Variants in SPRY3 observed in about 807,000 individuals in gnomAD.
SPRY3 encodes sprouty RTK signaling antagonist 3.
SPRY3 carries 15 observed loss-of-function variants against 20.2 expected under a neutral mutation model. The observed-to-expected ratio is 0.74, with a 90% confidence interval of 0.50 to 1.14. The LOEUF (loss-of-function observed/expected upper bound fraction) is 1.14, where lower values mean the gene tolerates loss of function less well. SPRY3 is among the 50% of genes most tolerant of loss of function. SPRY3 has a pLI of 0.00. For synonymous variants in SPRY3, 143 were observed against 136.5 expected, an observed-to-expected ratio of 1.05 and a Z score of -0.33; for missense variants, 364 against 363.9, an observed-to-expected ratio of 1.00 and a Z score of 0.00.
intron 2 of SPRY3, among the ~76,000 whole-genome samples, chrX:155,730,689 G>A (rs749731721): frequency 2.6e-5 from 4 of 152,048 alleles, no homozygotes; most frequent in African/African-American, 7.2e-5. Flanking sequence ...AAGAAATAAA[G>A]GGCCTCCAAA....
At chrX:155,718,045 A>T (rs1021942711) in intron 2 of SPRY3, among the ~76,000 whole-genome samples, 1 of 152,176 alleles carries the variant, frequency 6.6e-6, no homozygotes, top group Admixed American at 6.6e-5. Context: ...CTCAAGCAAG[A>T]AAGCTGCAGA....
intron 3 of SPRY3, among the ~76,000 whole-genome samples, chrX:155,773,258 G>A (rs1438147066): frequency 7.7e-5 from 11 of 143,104 alleles, no homozygotes; most frequent in Non-Finnish European, 1.7e-4. Flanking sequence ...TTTCTTATCT[G>A]TTTATTTCTG....
Position 155,685,697 on chromosome X carries a change from G to A in SPRY3, c.-282+28672G>A, listed in dbSNP as rs2068085508. Among the ~76,000 whole-genome samples, 7 of 111,361 alleles carry A rather than the reference G, an allele frequency of 6.3e-5. No homozygotes were observed. The Admixed American group carries it at 6.7e-4, about 11-fold the overall frequency. Reference sequence around the variant, plus strand: ...TTCTTTTCCTATGTTAGTTTGCTAAGGTAATGACCTCCAGCTCCATCCATG... The same window carrying A: ...TTCTTTTCCTATGTTAGTTTGCTAAAGTAATGACCTCCAGCTCCATCCATG... On this transcript the variant is annotated intron_variant, in intron 2 of 3. Coordinates refer to ENST00000675360, the Ensembl canonical transcript of SPRY3.
chrX:155,640,553 A>G (rs1263748706), intron 1 of SPRY3, among the ~76,000 whole-genome samples: 7 of 111,807 alleles, frequency 6.3e-5, no homozygotes, highest in East Asian at 2.8e-4. Flanking sequence ...GTTTTTTCCA[A>G]TCTGTGAATA....
intron 2 of SPRY3, among the ~76,000 whole-genome samples, chrX:155,667,568 A>T (rs2068028500): frequency 9.0e-6 from 1 of 111,256 alleles, no homozygotes; most frequent in African/African-American, 3.3e-5. Context: ...GCCTTTTGTT[A>T]TACCTATAAA....
At chrX:155,634,414 A>G (rs782357523) in intron 1 of SPRY3, among the ~76,000 whole-genome samples, 128 of 111,925 alleles carry the variant, frequency 1.1e-3, no homozygotes, top group Non-Finnish European at 1.7e-3. Context: ...TATTCTAATG[A>G]CATTGATTCT....
chrX:155,745,414 A>G (rs956713914), intron 2 of SPRY3, among the ~76,000 whole-genome samples: 7 of 152,062 alleles, frequency 4.6e-5, no homozygotes, highest in African/African-American at 1.2e-4. Flanking sequence ...GCTACTGACA[A>G]CTTCTTAGAG....
intron 2 of SPRY3, among the ~76,000 whole-genome samples, chrX:155,657,322 G>T (rs2067995287): frequency 8.9e-6 from 1 of 112,079 alleles, no homozygotes. Flanking sequence ...GCCTAGTGAA[G>T]AGGAATCTAG....
At chrX:155,739,646 G>A (rs1385918524) in intron 2 of SPRY3, among the ~76,000 whole-genome samples, 2 of 152,116 alleles carry the variant, frequency 1.3e-5, no homozygotes, top group South Asian at 2.1e-4. Context: ...AGCCTTCACT[G>A]GTGTTACATC....
intron 2 of SPRY3, among the ~76,000 whole-genome samples, chrX:155,658,668 C>T (rs2067999402): frequency 1.8e-5 from 2 of 111,714 alleles, no homozygotes; most frequent in African/African-American, 6.5e-5. Flanking sequence ...ATTTGGATGA[C>T]TTTTATTCAT....
chrX:155,718,247 A>G (rs1237359004), intron 2 of SPRY3, among the ~76,000 whole-genome samples: 23 of 152,156 alleles, frequency 1.5e-4, no homozygotes, highest in Non-Finnish European at 3.4e-4. Flanking sequence ...TTTAAATACG[A>G]TTTGATAAAA....
At chrX:155,768,237 G>C (rs1316109670) in intron 3 of SPRY3, 101 bp downstream of exon 2, 6 of 52 alleles carry the variant, frequency 0.12, no homozygotes, top group East Asian at 0.43. Flanking sequence ...CTGTGTGCGT[G>C]TGTGTGCCGC....
At chrX:155,747,232 G>T (rs2091232135) in intron 2 of SPRY3, among the ~76,000 whole-genome samples, 1 of 151,808 alleles carries the variant, frequency 6.6e-6, no homozygotes, top group Admixed American at 6.6e-5. Context: ...CTAATTGCAG[G>T]ATTCATTATT....
intron 2 of SPRY3, among the ~76,000 whole-genome samples, chrX:155,762,794 G>A (rs1272162171): frequency 2.6e-5 from 4 of 152,180 alleles, no homozygotes; most frequent in Non-Finnish European, 5.9e-5. Context: ...ACTGTAGAAA[G>A]CAGTTTGGAG....
intron 2 of SPRY3, among the ~76,000 whole-genome samples, chrX:155,757,464 A>G (rs2091287782): frequency 6.6e-6 from 1 of 152,174 alleles, no homozygotes; most frequent in African/African-American, 2.4e-5. Context: ...TTGATGGAGA[A>G]AGGAAGATAA....
chrX:155,751,929 A>AAAAT (rs1556206423), intron 2 of SPRY3, among the ~76,000 whole-genome samples: 1 of 25,718 alleles, frequency 3.9e-5, no homozygotes, highest in Non-Finnish European at 5.7e-5. Context: ...GAAGGGAAAT[A>AAAAT]AAATAAAATA....
chrX:155,627,261 A>G (rs2067891261), intron 1 of SPRY3, among the ~76,000 whole-genome samples: 1 of 111,755 alleles, frequency 8.9e-6, no homozygotes, highest in Non-Finnish European at 1.9e-5. Flanking sequence ...CCCTCTAGGT[A>G]GCCACCATTC....
At chrX:155,732,126 G>T (rs1030156411) in intron 2 of SPRY3, among the ~76,000 whole-genome samples, 1 of 152,010 alleles carries the variant, frequency 6.6e-6, no homozygotes, top group Non-Finnish European at 1.5e-5. Flanking sequence ...TGAAGAATCT[G>T]AGTTTTCCAA....
At chrX:155,711,380 G>T (rs2090984951) in intron 2 of SPRY3, among the ~76,000 whole-genome samples, 1 of 151,542 alleles carries the variant, frequency 6.6e-6, no homozygotes, top group African/African-American at 2.4e-5. Context: ...ATTCAATCTT[G>T]GTAGGTTGTA....
Sources: gnomAD v4.1 joint callset for allele counts (sites outside exome capture counted in the v4.1 genomes callset) on GRCh38, gnomAD v4.1.1 for gene constraint, MANE v1.5 for transcripts, NCBI Gene and HGNC (gene_info 2026-07-23, HGNC 2026-07-21) for gene names.